The following VPS13C variants were observed in gnomAD, a reference collection of about 807,000 sequenced individuals.
VPS13C encodes intermembrane lipid transfer protein VPS13C.
A neutral mutation model predicts 456.8 loss-of-function variants in VPS13C; 358 were observed. That is an observed-to-expected ratio of 0.78 (90% CI 0.72 to 0.86). The LOEUF (loss-of-function observed/expected upper bound fraction) is 0.86. Among genes scored for constraint, VPS13C ranks in the 40% least tolerant of loss-of-function variants. The pLI, the probability that VPS13C is intolerant of heterozygous loss-of-function variation, is 0.00. For missense variants in VPS13C, 4,818 were observed against 4,385.4 expected, an observed-to-expected ratio of 1.10 and a Z score of -2.79; for synonymous variants, 1,578 against 1,486.7, an observed-to-expected ratio of 1.06 and a Z score of -1.41.
intron 81 of VPS13C, chr15:61,863,758 T>A: frequency 2.9e-6 from 1 of 348,576 alleles, no homozygotes; most frequent in Non-Finnish European, 5.2e-6. Flanking sequence ...TACCAAGTGG[T>A]CTTCTGGTAA....
At chr15:61,888,680 G>A (rs529702219) in intron 67 of VPS13C, among the ~76,000 whole-genome samples, 9 of 152,186 alleles carry the variant, frequency 5.9e-5, no homozygotes, top group East Asian at 1.9e-4. Flanking sequence ...AAAGAACAGC[G>A]GTTTCCAAAG....
chr15:62,014,015 T>C, intron 9 of VPS13C, 23 bp from the exon 10 acceptor site: 2 of 1,584,836 alleles, frequency 1.3e-6, no homozygotes, highest in Admixed American at 3.4e-5. Flanking sequence ...AGGGAATACC[T>C]GTGAAACGTG....
intron 45 of VPS13C, among the ~76,000 whole-genome samples, chr15:61,943,797 A>G (rs1189570674): frequency 6.6e-6 from 1 of 152,144 alleles, no homozygotes; most frequent in East Asian, 1.9e-4. Flanking sequence ...AGTGAGACCT[A>G]ATTAAAGAGC....
chr15:61,937,698 T>C (rs2044274815), intron 47 of VPS13C, among the ~76,000 whole-genome samples: 1 of 152,122 alleles, frequency 6.6e-6, no homozygotes, highest in Admixed American at 6.5e-5. Context: ...ATGGTCTCGA[T>C]CTCCTGACCT....
At chr15:61,976,107 CAT>C (rs903891431) in intron 24 of VPS13C, among the ~76,000 whole-genome samples, 12 of 152,162 alleles carry the variant, frequency 7.9e-5, no homozygotes, top group East Asian at 3.9e-4. Flanking sequence ...GAATTTTCCA[CAT>C]GTGTCATCAT....
intron 82 of VPS13C, chr15:61,856,877 G>T (rs1274751674): frequency 6.4e-6 from 1 of 156,508 alleles, no homozygotes; most frequent in East Asian, 1.9e-4. Context: ...AGTCAAGAAC[G>T]AACGTGAAGG....
At chr15:62,026,299 T>C (rs2047635561) in intron 6 of VPS13C, among the ~76,000 whole-genome samples, 1 of 151,930 alleles carries the variant, frequency 6.6e-6, no homozygotes, top group African/African-American at 2.4e-5. Flanking sequence ...ACATGTATGA[T>C]TTTTATCTTC....
chr15:61,980,612 C>A (rs1270010723), intron 22 of VPS13C, among the ~76,000 whole-genome samples: 1 of 151,404 alleles, frequency 6.6e-6, no homozygotes, highest in African/African-American at 2.4e-5. Context: ...TTGGCTTCTT[C>A]TAACTTTTTT....
At chr15:61,889,431 A>C (rs1456154134) in intron 67 of VPS13C, among the ~76,000 whole-genome samples, 1 of 151,924 alleles carries the variant, frequency 6.6e-6, no homozygotes, top group Non-Finnish European at 1.5e-5. Flanking sequence ...TTTTCTCCTT[A>C]ATTTGCTTTT....
chr15:61,935,544 C>T (rs1408347733), intron 48 of VPS13C: 2 of 152,206 alleles, frequency 1.3e-5, no homozygotes, highest in Non-Finnish European at 2.9e-5. Flanking sequence ...CACGGCTGAA[C>T]ACAGTGAGAT....
intron 16 of VPS13C, among the ~76,000 whole-genome samples, chr15:62,000,088 G>A (rs28552912): frequency 1.8e-3 from 267 of 152,164 alleles, no homozygotes; most frequent in African/African-American, 5.9e-3. Context: ...GTGGCCAGGC[G>A]CAGTGGCTCA....
Position 61,893,523 on chromosome 15 carries a change from GA to G in VPS13C, c.9106-3124del, listed in dbSNP as rs201526327. Among the ~76,000 whole-genome samples the G allele has an allele frequency of 4.0e-5, 6 of 148,648 alleles. No individual in the cohort carries two copies. In the East Asian group the frequency reaches 1.2e-3, roughly 29 times the overall value. On this transcript the variant is annotated intron_variant, in intron 66 of 84. Coordinates refer to ENST00000644861, the MANE Select transcript of VPS13C (RefSeq NM_020821.3). ...ATATGAAAGAAAACAATGTTAAAAT[GA>G]AAAAAAAATTTGGAGGCATATAACT...
chr15:61,919,943 A>G (rs1434218428), intron 57 of VPS13C, 124 bp downstream of exon 57: 2 of 945,790 alleles, frequency 2.1e-6, no homozygotes, highest in East Asian at 5.4e-5. Flanking sequence ...AGAGGTTAGC[A>G]ATTATATGTT....
chr15:61,872,162 G>A (rs1413059408), intron 78 of VPS13C, 128 bp from the exon 79 acceptor site: 4 of 678,626 alleles, frequency 5.9e-6, no homozygotes, highest in Non-Finnish European at 7.4e-6. Context: ...GACTTAACTT[G>A]ATAATGTGAA....
chr15:62,052,296 T>A (rs1254360392), intron 1 of VPS13C, among the ~76,000 whole-genome samples: 1 of 152,238 alleles, frequency 6.6e-6, no homozygotes, highest in East Asian at 1.9e-4. Context: ...ACAATTCATT[T>A]TCCAGGGAGG....
Position 61,917,578 on chromosome 15 carries a change from G to T in VPS13C, c.7818C>A (p.Thr2606=), listed in dbSNP as rs769196116. Residue 2606 remains threonine (T), a synonymous_variant, in exon 60 of 85, where the codon ACC becomes ACA. Transcript: ENST00000644861. ...GTTCTTCCTTCCAGGAAATATAAGTGGTAGATTCTTTGTACTGATGCTCTA... is the reference window on the plus strand; with the variant it reads ...GTTCTTCCTTCCAGGAAATATAAGTTGTAGATTCTTTGTACTGATGCTCTA... ...GILEHQYKES[T]TYISWKEELH... 2.2e-5 allele frequency: 36 copies of T among 1,613,748 alleles called. No homozygotes were observed. Among genetic ancestry groups the T allele is most frequent in the Non-Finnish European group, 2.9e-5 (34 of 1,179,862 alleles).
In VPS13C at chr15:61,984,876, G is replaced by C. The variant is rs770234531; in HGVS notation, c.1702C>G (p.Pro568Ala). 1 of 1,613,250 alleles carries C rather than the reference G, an allele frequency of 6.2e-7. No individual in the cohort carries two copies. Among genetic ancestry groups the C allele is most frequent in the Non-Finnish European group, 8.5e-7 (1 of 1,179,776 alleles). Residue 568 changes from proline to alanine, a missense_variant, in exon 19 of 85, where the codon CCA becomes GCA. By Grantham distance (27) the Pro-to-Ala change is conservative. Transcript: ENST00000644861. ...IGLGTQVSQR[P>A]GAQALKVEAK... ...ACTTACTTAAGTGCTTGTGCTCCTG[G>C]TCGCTGAGATACTTGAGTGCCCAGG...
chr15:61,994,934 T>C (rs929455116), intron 16 of VPS13C, among the ~76,000 whole-genome samples: 5 of 152,192 alleles, frequency 3.3e-5, no homozygotes, highest in African/African-American at 4.8e-5. Context: ...TCTGCTGACA[T>C]TGAAAATGGA....
chr15:61,864,374 C>G, intron 81 of VPS13C: 6 of 901,538 alleles, frequency 6.7e-6, no homozygotes, highest in Non-Finnish European at 8.0e-6. Flanking sequence ...TTGAATTAGT[C>G]AAATATTAAA....
Sources: allele counts gnomAD v4.1 joint callset (sites outside exome capture counted in the v4.1 genomes callset), GRCh38; gene constraint gnomAD v4.1.1; transcripts MANE v1.5; gene names NCBI Gene and HGNC (gene_info 2026-07-23, HGNC 2026-07-21).